The following DALRD3 variants were observed in gnomAD, a reference collection of about 807,000 sequenced individuals.
The protein encoded by DALRD3 is DALR anticodon binding domain containing 3, also known as DALR anticodon-binding domain-containing protein 3.
In DALRD3, 47 loss-of-function variants were observed where a neutral mutation model predicts 56.7. The observed-to-expected ratio is 0.83, with a 90% confidence interval of 0.66 to 1.06. DALRD3 has a LOEUF of 1.06. Ranked by LOEUF, DALRD3 falls within the 50% of genes least tolerant of loss-of-function variation. DALRD3 has a pLI of 0.00. For missense variants in DALRD3, 787 were observed against 724.0 expected (o/e 1.09, Z -1.00); for synonymous variants, 347 against 308.5 (o/e 1.12, Z -1.31).
At position 49,016,530 on chromosome 3, in the gene DALRD3, GGTCA is replaced by G. The variant is rs2093074604; in HGVS notation, c.1064-23_1064-20del. The G allele has an allele frequency of 4.3e-6, 7 of 1,610,882 alleles. No homozygotes were observed. Among genetic ancestry groups the G allele is most frequent in the Middle Eastern group, 1.7e-4 (1 of 6,044 alleles). On this transcript the variant is annotated intron_variant, in intron 7 of 11. Transcript: ENST00000341949. Reference sequence around the variant, plus strand: ...GCTGGGTCTGAGGGAGTATAGGGTTGGTCAGTCAGTCTGCAGGCAAGGGCAGGGA... The same window carrying G: ...GCTGGGTCTGAGGGAGTATAGGGTTGGTCAGTCTGCAGGCAAGGGCAGGGA...
rs868403463 is a variant in DALRD3, at chr3:49,018,540, C to G, written c.25G>C (p.Gly9Arg). ...GCGTTGAGGGCCCCCAGCGTCTCCC[C>G]GACCCCAAGGCGCCTGGTCGCCATG... The part of the protein sequence containing the change: MATRRLGV[G>R]ETLGALNAAL... The change falls in exon 1 of 12, where the codon GGG (glycine) becomes CGG (arginine). Residue 9 changes from glycine to arginine, a missense_variant. Transcript: ENST00000341949. 3 of 1,580,962 alleles carry G rather than the reference C, an allele frequency of 1.9e-6. No individual in the cohort carries two copies. The highest frequency in any genetic ancestry group is 1.4e-5 in the African/African-American group (1 of 73,650).
At chr3:49,018,349 C>A (rs750776423) in intron 1 of DALRD3, 31 bp from the exon 2 acceptor site, 1 of 1,501,996 alleles carries the variant, frequency 6.7e-7, no homozygotes. Flanking sequence ...AAAAGAGCCA[C>A]GGCACGGGGC....
chr3:49,017,178 T>G, intron 5 of DALRD3, 50 bp downstream of exon 5: 1 of 1,613,134 alleles, frequency 6.2e-7, no homozygotes, highest in African/African-American at 1.3e-5. Context: ...AAGGGCCCTC[T>G]GAGGTTGGGG....
chr3:49,018,493 C>T lies in DALRD3; in HGVS notation c.72G>A (p.Pro24=), dbSNP rs1471643333. Residue 24 remains proline, a synonymous_variant, in exon 1 of 12, where the codon CCG becomes CCA. Coordinates refer to ENST00000341949, the MANE Select transcript of DALRD3 (RefSeq NM_001009996.3). The part of the protein sequence containing the change: ...ALNAALGPGG[P]VWIKETRTRH... The stretch of plus-strand genomic sequence containing the variant: ...GGGTGCGCGTCTCCTTGATCCACAC[C>T]GGACCGCCTGGCCCCAGGGCCGCGT... The T allele has an allele frequency of 1.9e-6, 3 of 1,586,758 alleles. No homozygotes were observed. The Admixed American group carries it at 5.3e-5, about 28-fold the overall frequency.
At chr3:49,017,050 T>TACAG in intron 5 of DALRD3, 178 bp downstream of exon 5, 1 of 984,282 alleles carries the variant, frequency 1.0e-6, no homozygotes, top group South Asian at 1.6e-5. Flanking sequence ...GGGATGTGTC[T>TACAG]ACAGACCCCC....
chr3:49,018,097 G>A lies in DALRD3; in HGVS notation c.387C>T (p.Pro129=), dbSNP rs781630790. 6.7e-6 allele frequency: 10 copies of A among 1,486,776 alleles called. No individual in the cohort carries two copies. The highest frequency in any genetic ancestry group is 8.9e-6 in the Non-Finnish European group (10 of 1,127,474). 92.1% of individuals were successfully genotyped at this position (1,486,776 alleles called of 1,614,324 possible). The change falls in exon 2 of 12, where the codon CCC becomes CCT. Residue 129 remains proline (P), a synonymous_variant. Transcript: ENST00000341949. ...GCAGCTGGCTCAAGCGGAGTGCGCA[G>A]GGGGAGCTGCGCAGTGCTGGGCAGT... is the stretch of plus-strand genomic sequence containing the variant. ...LLHCPALRSS[P]CALRLSQLRT... is the part of the protein sequence containing the mutation.
At position 49,016,312 on chromosome 3, in the gene DALRD3, A is replaced by C; in HGVS notation, c.1175T>G (p.Ile392Ser). 1 of 1,610,006 alleles carries C rather than the reference A, an allele frequency of 6.2e-7. No homozygotes were observed. The highest frequency in any genetic ancestry group is 1.1e-5 in the South Asian group (1 of 91,000). Residue 392 changes from isoleucine (I) to serine (S), a missense_variant, in exon 9 of 12, where the codon ATC becomes AGC. By Grantham distance (142) the Ile-to-Ser change is moderately radical. Coordinates refer to ENST00000341949, the MANE Select transcript of DALRD3 (RefSeq NM_001009996.3). ...QLFLALADSS[I>S]STKGTKSGTF... ...GCCACTCTTTGTGCCCTTCGTGGAG[A>C]TACTGCTGTCAGCCAGAGCCAGGAA...
upstream of DALRD3, among the ~76,000 whole-genome samples, chr3:49,019,322 C>T (rs2093131366): frequency 1.3e-5 from 2 of 151,992 alleles, no homozygotes; most frequent in South Asian, 4.1e-4. Flanking sequence ...CTGCCCGCCT[C>T]GGCCTCCGAA....
upstream of DALRD3, chr3:49,018,624 A>G (rs541563902): frequency 9.5e-6 from 14 of 1,475,508 alleles, no homozygotes; most frequent in South Asian, 1.4e-5. Context: ...ACTTCCGGAA[A>G]GGACCGACTA....
chr3:49,016,205 T>TG lies in DALRD3; in HGVS notation c.1281dup (p.Thr428HisfsTer15), dbSNP rs2093066931. ...TCCAGACTGCTCACAGGAGGAAAAG[T>TG]GGGGTACAGACCTTGTTCCATACTA... On this transcript the variant is annotated frameshift_variant, in exon 9 of 12. Coordinates refer to ENST00000341949, the MANE Select transcript of DALRD3 (RefSeq NM_001009996.3). LOFTEE classifies it high-confidence loss of function. 1 of 1,613,940 alleles carries TG rather than the reference T, an allele frequency of 6.2e-7. No individual in the cohort carries two copies. The highest frequency in any genetic ancestry group is 2.2e-5 in the East Asian group (1 of 44,862).
upstream of DALRD3, chr3:49,020,128 A>C (rs1265172024): frequency 1.9e-6 from 1 of 533,796 alleles, no homozygotes; most frequent in Non-Finnish European, 3.8e-6. Context: ...GCCAGGGCTG[A>C]GGCCCTGCTG....
intron 9 of DALRD3, 21 bp from the exon 10 acceptor site, chr3:49,016,107 G>A (rs747279928): frequency 1.2e-6 from 2 of 1,608,226 alleles, no homozygotes; most frequent in Admixed American, 3.3e-5. Context: ...GAAAGGTGCT[G>A]GGAGGGGAAG....
chr3:49,018,041 C>A lies in DALRD3; in HGVS notation c.443G>T (p.Arg148Leu). The A allele has an allele frequency of 6.7e-7, 1 of 1,487,556 alleles. No individual in the cohort carries two copies. Among genetic ancestry groups the A allele is most frequent in the Non-Finnish European group, 8.9e-7 (1 of 1,129,392 alleles). The allele number at this position is 1,487,556 out of a possible 1,614,324, so 92.1% of individuals were successfully genotyped here. ...CGCTCACCCGTGAGCGCGCAGGGCTCGCGCCAGGTGATCGGCCACGAGCAC... is the reference window on the plus strand; with the variant it reads ...CGCTCACCCGTGAGCGCGCAGGGCTAGCGCCAGGTGATCGGCCACGAGCAC... Reference protein sequence around the residue: ...RTVLVADHLARALRAHGVCVR... With the variant: ...RTVLVADHLALALRAHGVCVR... The change falls in exon 2 of 12, where the codon CGA becomes CTA. Residue 148 changes from arginine (R) to leucine (L), a missense_variant. Arg to Leu is a moderately radical substitution (Grantham distance 102). Coordinates refer to ENST00000341949, the MANE Select transcript of DALRD3 (RefSeq NM_001009996.3).
At position 49,016,690 on chromosome 3, in the gene DALRD3, G is replaced by A. The variant is rs751626672; in HGVS notation, c.1002-17C>T. 5 of 1,609,556 alleles carry A rather than the reference G, an allele frequency of 3.1e-6. No homozygotes were observed. In the Admixed American group the frequency reaches 6.7e-5, roughly 22 times the overall value. Reference sequence around the variant, plus strand: ...TGCCGGAACCTGTGTTTGGAAGAGAGGAAGGCCAGTGGGCAGGGTCCTGGG... The same window carrying A: ...TGCCGGAACCTGTGTTTGGAAGAGAAGAAGGCCAGTGGGCAGGGTCCTGGG... On this transcript the variant is annotated splice_polypyrimidine_tract_variant and intron_variant, in intron 6 of 11. Transcript: ENST00000341949.
rs778399350 is a variant in DALRD3, at chr3:49,018,175, G to A, written c.309C>T (p.Ala103=). The A allele has an allele frequency of 2.8e-6, 4 of 1,451,370 alleles. No homozygotes were observed. Among genetic ancestry groups the A allele is most frequent in the Non-Finnish European group, 1.8e-6 (2 of 1,113,486 alleles). 89.9% of individuals were successfully genotyped at this position (1,451,370 alleles called of 1,614,324 possible). A position where few individuals can be genotyped will look rare whatever the true frequency, so the allele number is the denominator to read the frequency against. The change falls in exon 2 of 12, where the codon GCC becomes GCT. Residue 103 remains alanine, a synonymous_variant. Coordinates refer to ENST00000341949, the MANE Select transcript of DALRD3 (RefSeq NM_001009996.3). ...AVFERVLSAV[A]AYATPASPAS... is the part of the protein sequence containing the mutation. ...CAGGCGAGGCGGGCGTGGCATAGGC[G>A]GCCACGGCGCTGAGGACGCGCTCGA...
At position 49,018,001 on chromosome 3, in the gene DALRD3, CCGGCCCCG is replaced by C. The variant is rs769822186; in HGVS notation, c.461+14_461+21del. Reference sequence around the variant, plus strand: ...ACCCGGCAGTCCCACTTTCTCCATTCCGGCCCCGCGGCCCCGCTCACCCGTGAGCGCGC... The same window carrying C: ...ACCCGGCAGTCCCACTTTCTCCATTCCGGCCCCGCTCACCCGTGAGCGCGC... On this transcript the variant is annotated intron_variant, in intron 2 of 11. Transcript: ENST00000341949. 2.3e-5 allele frequency: 34 copies of C among 1,476,768 alleles called. No homozygotes were observed. The highest frequency in any genetic ancestry group is 3.0e-5 in the Non-Finnish European group (34 of 1,121,088). 91.5% of individuals were successfully genotyped at this position (1,476,768 alleles called of 1,614,324 possible). A position where few individuals can be genotyped will look rare whatever the true frequency, so the allele number is the denominator to read the frequency against.
Position 49,018,380 on chromosome 3 carries a change from C to G in DALRD3, c.165+20G>C. On this transcript the variant is annotated intron_variant, in intron 1 of 11. Coordinates refer to ENST00000341949, the MANE Select transcript of DALRD3 (RefSeq NM_001009996.3). ...GGGGCCCATCTCCCGGCCGCACGGC[C>G]CCGCCCGGCTCACGCCCACCTGGCC... 4 of 1,545,474 alleles carry G rather than the reference C, an allele frequency of 2.6e-6. No individual in the cohort carries two copies. The highest frequency in any genetic ancestry group is 3.5e-6 in the Non-Finnish European group (4 of 1,148,162).
Position 49,015,960 on chromosome 3 carries a change from G to T in DALRD3, c.1443+13C>A, listed in dbSNP as rs758150380. 6 of 1,614,012 alleles carry T rather than the reference G, an allele frequency of 3.7e-6. No individual in the cohort carries two copies. Reference sequence around the variant, plus strand: ...GAATAGAGTGTAGAGTGTCCTGGTTGTCTATGCCTCACCATCTCTGTGCGT... The same window carrying T: ...GAATAGAGTGTAGAGTGTCCTGGTTTTCTATGCCTCACCATCTCTGTGCGT... On this transcript the variant is annotated intron_variant, in intron 10 of 11. Transcript: ENST00000341949.
Position 49,017,502 on chromosome 3 carries a change from G to A in DALRD3, c.730C>T (p.Leu244Phe), listed in dbSNP as rs753483021. 6.2e-7 allele frequency: 1 copy of A among 1,614,180 alleles called. No homozygotes were observed. The highest frequency in any genetic ancestry group is 1.1e-5 in the South Asian group (1 of 91,088). Residue 244 changes from leucine (L) to phenylalanine (F), a missense_variant, in exon 4 of 12, where the codon CTC (leucine) becomes TTC (phenylalanine). By Grantham distance (22) the Leu-to-Phe change is conservative (BLOSUM62 0). Coordinates refer to ENST00000341949, the MANE Select transcript of DALRD3 (RefSeq NM_001009996.3). ...NLDNCLVTED[L>F]LSVLAELQEA... ...TGCAGCTCAGCCAGCACAGAGAGGA[G>A]ATCCTCAGTCACTGAAAAGAGAACA... is the stretch of plus-strand genomic sequence containing the variant.
Sources: gnomAD v4.1 joint callset for allele counts (sites outside exome capture counted in the v4.1 genomes callset) on GRCh38, gnomAD v4.1.1 for gene constraint, MANE v1.5 for transcripts, NCBI Gene and HGNC (gene_info 2026-07-23, HGNC 2026-07-21) for gene names.